The following CAPSL variants were observed in gnomAD, a reference collection of about 807,000 sequenced individuals.
The protein encoded by CAPSL is calcyphosin-like protein.
In CAPSL, 17 loss-of-function variants were observed where a neutral mutation model predicts 21.3. The observed-to-expected ratio is 0.80, with a 90% CI of 0.55 to 1.20. CAPSL has a LOEUF of 1.20. Ranked by LOEUF, CAPSL falls within the 50% of genes most tolerant of loss-of-function variation. CAPSL has a pLI of 0.00. For synonymous variants in CAPSL, 102 were observed against 89.3 expected, an observed-to-expected ratio of 1.14 and a Z score of -0.80; for missense variants, 289 against 259.3, an observed-to-expected ratio of 1.11 and a Z score of -0.79.
chr5:35,913,669 G>T (rs974236993), intron 2 of CAPSL, among the ~76,000 whole-genome samples: 3 of 152,174 alleles, frequency 2.0e-5, no homozygotes, highest in African/African-American at 7.2e-5. Context: ...GAGAGATTTT[G>T]TCACCACCAG....
Position 35,907,164 on chromosome 5 carries a change from A to G in CAPSL, c.526-2518T>C, listed in dbSNP as rs375526446. ...AGGCTACCTTTATGTGACAAGATAT[A>G]TATCATATATACAAGGAAAGGTCCC... On this transcript the variant is annotated intron_variant, in intron 4 of 4. Coordinates refer to ENST00000651391, the MANE Select transcript of CAPSL (RefSeq NM_001042625.2). Among the ~76,000 whole-genome samples the G allele has an allele frequency of 2.6e-5, 4 of 152,190 alleles. No individual in the cohort carries two copies. The East Asian group carries it at 5.8e-4, about 22-fold the overall frequency.
At chr5:35,910,208 A>G (rs1738178808) in intron 3 of CAPSL, 133 bp from the exon 4 acceptor site, 3 of 1,075,346 alleles carry the variant, frequency 2.8e-6, no homozygotes, top group Non-Finnish European at 4.0e-6. Context: ...AATAGACACT[A>G]CAATTGCTCC....
At chr5:35,935,742 C>T (rs1438737369) in intron 1 of CAPSL, among the ~76,000 whole-genome samples, 2 of 151,928 alleles carry the variant, frequency 1.3e-5, no homozygotes, top group Non-Finnish European at 2.9e-5. Flanking sequence ...ACATTTTCAC[C>T]CCAGCCATTA....
chr5:35,938,677 C>T (rs1739018136), upstream of CAPSL: 1 of 152,858 alleles, frequency 6.5e-6, no homozygotes, highest in Non-Finnish European at 1.5e-5. Flanking sequence ...GGCCCTGGTC[C>T]ACTCTCTTAG....
chr5:35,932,309 A>C (rs1234950361), intron 1 of CAPSL, among the ~76,000 whole-genome samples: 1 of 152,194 alleles, frequency 6.6e-6, no homozygotes, highest in Non-Finnish European at 1.5e-5. Context: ...AAGTGCTTCA[A>C]GTAGTCATCA....
chr5:35,916,045 C>T (rs972226577), intron 2 of CAPSL, among the ~76,000 whole-genome samples: 7 of 151,044 alleles, frequency 4.6e-5, no homozygotes, highest in African/African-American at 1.7e-4. Context: ...GTGCAAAAAT[C>T]GCAAGCATTC....
Position 35,910,060 on chromosome 5 carries a change from C to G in CAPSL, c.331G>C (p.Ala111Pro). The G allele has an allele frequency of 6.2e-7, 1 of 1,608,506 alleles. No homozygotes were observed. Among genetic ancestry groups the G allele is most frequent in the East Asian group, 2.2e-5 (1 of 44,846 alleles). The change falls in exon 4 of 5, where the codon GCC becomes CCC. Residue 111 changes from alanine (A) to proline (P), a missense_variant. Coordinates refer to ENST00000651391, the MANE Select transcript of CAPSL (RefSeq NM_001042625.2). ...LLTLRPPMSR[A>P]RKEVIMQAFR... The stretch of plus-strand genomic sequence containing the variant: ...GCTTGCATGATTACCTCTTTTCTGG[C>G]TCTGGACATTGGAGGCTACAAAAAT...
At chr5:35,914,951 A>G (rs10053411) in intron 2 of CAPSL, among the ~76,000 whole-genome samples, 58,504 of 152,030 alleles carry the variant, frequency 0.38, 13,018 homozygotes, top group East Asian at 0.65. Context: ...AACAAAATTG[A>G]TAGAACTCTA....
intron 2 of CAPSL, among the ~76,000 whole-genome samples, chr5:35,917,986 G>A (rs767780236): frequency 6.6e-6 from 1 of 152,158 alleles, no homozygotes; most frequent in East Asian, 1.9e-4. Context: ...TGGAGAAATA[G>A]GAATGCTTTT....
intron 1 of CAPSL, among the ~76,000 whole-genome samples, chr5:35,921,876 T>C (rs1431641079): frequency 2.2e-5 from 3 of 137,492 alleles, no homozygotes; most frequent in Non-Finnish European, 3.1e-5. Context: ...TCTCACAGCC[T>C]GTTTCCTCCT....
intron 2 of CAPSL, among the ~76,000 whole-genome samples, chr5:35,919,003 A>T (rs932752471): frequency 2.0e-5 from 3 of 151,932 alleles, no homozygotes; most frequent in Non-Finnish European, 4.4e-5. Flanking sequence ...CAACCCAAAG[A>T]CCTGGAAGAG....
Position 35,904,817 on chromosome 5 carries a change from G to A in CAPSL, c.526-171C>T, listed in dbSNP as rs181314370. On this transcript the variant is annotated intron_variant, in intron 4 of 4. Coordinates refer to ENST00000651391, the MANE Select transcript of CAPSL (RefSeq NM_001042625.2). ...GAACAAGTGAAGCTGAGGATGGTGT[G>A]AGAACAGCACCTAGGAAGAGAGAAA... 4 of 572,480 alleles carry A rather than the reference G, an allele frequency of 7.0e-6. No individual in the cohort carries two copies. In the East Asian group the frequency reaches 4.3e-4, roughly 62 times the overall value. 35.5% of individuals were successfully genotyped at this position (572,480 alleles called of 1,614,324 possible). A position where few individuals can be genotyped will look rare whatever the true frequency, so the allele number is the denominator to read the frequency against.
intron 2 of CAPSL, among the ~76,000 whole-genome samples, chr5:35,918,252 A>C (rs752952407): frequency 3.3e-5 from 5 of 152,216 alleles, no homozygotes; most frequent in Non-Finnish European, 5.9e-5. Context: ...TGTGGCACAC[A>C]TACACCATGG....
In CAPSL at chr5:35,921,062, G is replaced by A; in HGVS notation, c.59C>T (p.Thr20Ile). Residue 20 changes from threonine (T) to isoleucine (I), a missense_variant, in exon 2 of 5, where the codon ACC becomes ATC. Physicochemically the swap from Thr to Ile is moderately conservative, Grantham distance 89. Coordinates refer to ENST00000651391, the MANE Select transcript of CAPSL (RefSeq NM_001042625.2). ...TCTTTCAATGGGGTCGGTGGCCGTGGTGAGCTTTTTCTTGGCCTGGATCGC... is the reference window on the plus strand; with the variant it reads ...TCTTTCAATGGGGTCGGTGGCCGTGATGAGCTTTTTCTTGGCCTGGATCGC... ...EMAIQAKKKL[T>I]TATDPIERLR... The A allele has an allele frequency of 1.2e-6, 2 of 1,614,070 alleles. No homozygotes were observed. Among genetic ancestry groups the A allele is most frequent in the Non-Finnish European group, 1.7e-6 (2 of 1,180,020 alleles).
intron 2 of CAPSL, among the ~76,000 whole-genome samples, chr5:35,917,992 C>T (rs1445854443): frequency 2.0e-5 from 3 of 152,138 alleles, no homozygotes; most frequent in African/African-American, 7.2e-5. Context: ...AATAGGAATG[C>T]TTTTACCCTG....
At chr5:35,936,246 A>T (rs1281286148) in intron 1 of CAPSL, among the ~76,000 whole-genome samples, 1 of 151,844 alleles carries the variant, frequency 6.6e-6, no homozygotes, top group Non-Finnish European at 1.5e-5. Context: ...GAGATTGCTG[A>T]ACTTCCTCCC....
At chr5:35,935,247 C>T (rs1265460612) in intron 1 of CAPSL, among the ~76,000 whole-genome samples, 4 of 152,168 alleles carry the variant, frequency 2.6e-5, no homozygotes, top group Non-Finnish European at 5.9e-5. Flanking sequence ...TCCTGGAGCT[C>T]CTTGATTTCT....
In CAPSL at chr5:35,926,637, G is replaced by A. The variant is rs190979572; in HGVS notation, c.1-5517C>T. On this transcript the variant is annotated intron_variant, in intron 1 of 4. Coordinates refer to ENST00000651391, the MANE Select transcript of CAPSL (RefSeq NM_001042625.2). ...GCCTGCATCTATTGACTTGTCTTTG[G>A]TGCTCCCTGGTGGCAGTAAGCTGAA... Among the ~76,000 whole-genome samples, 5 of 152,250 alleles carry A rather than the reference G, an allele frequency of 3.3e-5. No homozygotes were observed. In the East Asian group the frequency reaches 9.7e-4, roughly 29 times the overall value.
chr5:35,905,972 TGGGA>T (rs1275655403), intron 4 of CAPSL, among the ~76,000 whole-genome samples: 1 of 152,218 alleles, frequency 6.6e-6, no homozygotes. Flanking sequence ...GTAATTTAAC[TGGGA>T]ATATCAAAGA....
Sources: gnomAD v4.1 joint callset for allele counts (sites outside exome capture counted in the v4.1 genomes callset) on GRCh38, gnomAD v4.1.1 for gene constraint, MANE v1.5 for transcripts, NCBI Gene and HGNC (gene_info 2026-07-23, HGNC 2026-07-21) for gene names.